Variants in LINGO2 observed in about 807,000 individuals in gnomAD.
LINGO2 encodes the protein leucine rich repeat and Ig domain containing 2, also known as leucine-rich repeat and immunoglobulin-like domain-containing nogo receptor-interacting protein 2.
Under a neutral mutation model 30.6 loss-of-function variants are expected in LINGO2, and 14 were observed. That is an observed-to-expected ratio of 0.46 (90% confidence interval 0.30 to 0.72). The LOEUF (loss-of-function observed/expected upper bound fraction) is 0.72. Ranked by LOEUF, LINGO2 falls within the 30% of genes least tolerant of loss-of-function variation. LINGO2 has a pLI of 0.07. For missense variants in LINGO2, 729 were observed against 751.7 expected (o/e 0.97, Z 0.35); for synonymous variants, 317 against 288.5 (o/e 1.10, Z -1.00).
intron 4 of LINGO2, among the ~76,000 whole-genome samples, chr9:28,185,999 CT>C (rs1448193829): frequency 6.6e-6 from 1 of 152,138 alleles, no homozygotes; most frequent in Non-Finnish European, 1.5e-5. Flanking sequence ...AGAACAGAGG[CT>C]TATTATGAGA....
rs58629857 is a variant in LINGO2 at position 28,526,055 on chromosome 9, C to CAAAAAAAAAAAAAAAAAA, written c.-364-50048_-364-50031dup. The stretch of plus-strand genomic sequence containing the variant: ...TGGGTGACAGAGCGAGACTCCGTCT[C>CAAAAAAAAAAAAAAAAAA]AAAAAAAAAAAAAAAAAAAAAGCCA... On this transcript the variant is annotated intron_variant, in intron 1 of 5. Transcript: ENST00000379992. Among the ~76,000 whole-genome samples the CAAAAAAAAAAAAAAAAAA allele has an allele frequency of 9.7e-4, 47 of 48,494 alleles. 5 individuals are homozygous for CAAAAAAAAAAAAAAAAAA. Among genetic ancestry groups the CAAAAAAAAAAAAAAAAAA allele is most frequent in the Non-Finnish European group, 1.2e-3 (32 of 27,260 alleles). The allele number at this position is 48,494 out of a possible 152,430, so 31.8% of individuals were successfully genotyped here.
intron 2 of LINGO2, among the ~76,000 whole-genome samples, chr9:28,470,351 A>G (rs551682880): frequency 1.9e-4 from 29 of 152,360 alleles, no homozygotes; most frequent in African/African-American, 6.7e-4. Flanking sequence ...ACAACATAGT[A>G]TTAAATTATG....
At chr9:29,161,690 G>A in the LINGO2 span, among the ~76,000 whole-genome samples, 2 of 151,974 alleles carry the variant, frequency 1.3e-5, no homozygotes, top group South Asian at 4.1e-4. Flanking sequence ...TGCTGATCTA[G>A]GAATAACACT....
chr9:28,399,242 A>C (rs1337507125), intron 2 of LINGO2, among the ~76,000 whole-genome samples: 1 of 152,208 alleles, frequency 6.6e-6, no homozygotes. Context: ...CTGGGGACTT[A>C]AGCAACATAA....
intron 1 of LINGO2, among the ~76,000 whole-genome samples, chr9:28,655,577 T>A (rs1828299838): frequency 6.6e-6 from 1 of 152,004 alleles, no homozygotes; most frequent in South Asian, 2.1e-4. Context: ...CTCACCCAAA[T>A]CTCATCTTGA....
the LINGO2 span, among the ~76,000 whole-genome samples, chr9:29,200,892 G>T: frequency 6.6e-6 from 1 of 151,984 alleles, no homozygotes; most frequent in Non-Finnish European, 1.5e-5. Context: ...TCTGTATAAT[G>T]TTCCTTGGTT....
intron 3 of LINGO2, among the ~76,000 whole-genome samples, chr9:28,335,354 C>T (rs1825556477): frequency 6.6e-6 from 1 of 152,170 alleles, no homozygotes; most frequent in Admixed American, 6.6e-5. Context: ...CTCCAGGGAT[C>T]TCGCATTGTA....
intron 1 of LINGO2, among the ~76,000 whole-genome samples, chr9:28,497,555 T>C (rs1275831838): frequency 6.6e-6 from 1 of 152,180 alleles, no homozygotes; most frequent in Non-Finnish European, 1.5e-5. Context: ...TAGTTAGTCA[T>C]TCGTCTAATC....
At chr9:28,803,994 A>C in the LINGO2 span, among the ~76,000 whole-genome samples, 1 of 152,116 alleles carries the variant, frequency 6.6e-6, no homozygotes, top group Non-Finnish European at 1.5e-5. Flanking sequence ...AAACATGGTG[A>C]CTAATTTATC....
chr9:28,198,186 A>G (rs1345065330), intron 4 of LINGO2, among the ~76,000 whole-genome samples: 1 of 151,956 alleles, frequency 6.6e-6, no homozygotes, highest in Non-Finnish European at 1.5e-5. Flanking sequence ...TCCATCAATA[A>G]GTTGACTCTA....
the LINGO2 span, among the ~76,000 whole-genome samples, chr9:29,097,397 T>C: frequency 7.2e-6 from 1 of 138,556 alleles, no homozygotes; most frequent in Non-Finnish European, 1.6e-5. Context: ...TCATATGCCA[T>C]CTTCAAATCT....
chr9:28,474,982 T>C (rs1056734096), intron 2 of LINGO2, among the ~76,000 whole-genome samples: 5 of 152,164 alleles, frequency 3.3e-5, no homozygotes, highest in African/African-American at 4.8e-5. Context: ...TTCTAGCAAG[T>C]TTTAGTAATT....
the LINGO2 span, among the ~76,000 whole-genome samples, chr9:28,688,291 T>C: frequency 6.6e-6 from 1 of 152,152 alleles, no homozygotes; most frequent in Admixed American, 6.6e-5. Context: ...AGAGAACACT[T>C]AGAAGGAAAG....
At position 28,534,723 on chromosome 9, in the gene LINGO2, A is replaced by G. The variant is rs1215997696; in HGVS notation, c.-364-58698T>C. On this transcript the variant is annotated intron_variant, in intron 1 of 5. Transcript: ENST00000379992. ...TTAAAATTATTCTACTGAATTAAATATAGAAACTTAGAACAAAGGAATAAG... is the reference window on the plus strand; with the variant it reads ...TTAAAATTATTCTACTGAATTAAATGTAGAAACTTAGAACAAAGGAATAAG... Among the ~76,000 whole-genome samples the G allele has an allele frequency of 3.9e-5, 6 of 152,188 alleles. No individual in the cohort carries two copies. The South Asian group carries it at 1.2e-3, about 31-fold the overall frequency.
At chr9:28,432,883 A>T (rs1823734566) in intron 2 of LINGO2, among the ~76,000 whole-genome samples, 1 of 152,148 alleles carries the variant, frequency 6.6e-6, no homozygotes, top group Non-Finnish European at 1.5e-5. Flanking sequence ...TATATACTGA[A>T]GATTAATCAC....
the LINGO2 span, among the ~76,000 whole-genome samples, chr9:28,868,125 A>C: frequency 7.9e-3 from 1,208 of 152,174 alleles, 22 homozygotes; most frequent in African/African-American, 0.028. Flanking sequence ...GAATGTTGTT[A>C]ACCTAGTGTG....
At chr9:27,949,184 G>A (rs1159536417) in exon 6 of LINGO2, 1 of 1,613,800 alleles carries the variant, frequency 6.2e-7, no homozygotes, top group South Asian at 1.1e-5. Context: ...CAGTTAAGGA[G>A]GCTGTGAAGG....
the LINGO2 span, among the ~76,000 whole-genome samples, chr9:29,127,298 A>G: frequency 6.6e-6 from 1 of 152,148 alleles, no homozygotes; most frequent in Non-Finnish European, 1.5e-5. Flanking sequence ...TGTTCAAAAT[A>G]CCAAGAGCCT....
chr9:29,052,290 T>C, the LINGO2 span, among the ~76,000 whole-genome samples: 1 of 152,162 alleles, frequency 6.6e-6, no homozygotes, highest in African/African-American at 2.4e-5. Context: ...TTACTGGAAA[T>C]GTTACTAAGC....
Sources: gnomAD v4.1 joint callset for allele counts (sites outside exome capture counted in the v4.1 genomes callset) on GRCh38, gnomAD v4.1.1 for gene constraint, MANE v1.5 for transcripts, NCBI Gene and HGNC (gene_info 2026-07-23, HGNC 2026-07-21) for gene names.